The following ALDH2 variants were observed in gnomAD, a reference collection of about 807,000 sequenced individuals.
ALDH2 encodes aldehyde dehydrogenase 2 family member, also known as aldehyde dehydrogenase, mitochondrial.
Under a neutral mutation model 59.6 loss-of-function variants are expected in ALDH2, and 44 were observed. That is an observed-to-expected ratio of 0.74 (90% CI 0.58 to 0.95). The LOEUF is 0.95. Ranked by LOEUF, ALDH2 falls within the 40% of genes least tolerant of loss-of-function variation. The pLI is 0.00. For synonymous variants in ALDH2, 291 were observed against 284.0 expected, an observed-to-expected ratio of 1.02 and a Z score of -0.25; for missense variants, 570 against 696.3, an observed-to-expected ratio of 0.82 and a Z score of 2.04.
intron 9 of ALDH2, among the ~76,000 whole-genome samples, chr12:111,794,879 C>T (rs575984412): frequency 3.9e-5 from 6 of 152,128 alleles, no homozygotes; most frequent in Middle Eastern, 6.8e-3. Context: ...TTTTAGTGTA[C>T]GATTCAGTGA....
intron 10 of ALDH2, among the ~76,000 whole-genome samples, chr12:111,798,746 C>G (rs1196838993): frequency 6.6e-6 from 1 of 152,014 alleles, no homozygotes; most frequent in Non-Finnish European, 1.5e-5. Flanking sequence ...GTTGCTCACG[C>G]CTGTAATCCC....
At chr12:111,773,522 C>CAGG (rs1485429802) in intron 1 of ALDH2, among the ~76,000 whole-genome samples, 3 of 152,202 alleles carry the variant, frequency 2.0e-5, no homozygotes, top group African/African-American at 7.2e-5. Context: ...ATCCTACCCG[C>CAGG]AACTCTATAA....
rs181565285 is a variant in ALDH2, at chr12:111,796,645, G to A, written c.1084-1433G>A. ...AGGCTGGGTGTGGTGGCTAACCCCT[G>A]TAGTCCTAACACTTGGGAGGGAGGC... On this transcript the variant is annotated intron_variant, in intron 9 of 12. Transcript: ENST00000261733. Among the ~76,000 whole-genome samples, 64 of 152,226 alleles carry A rather than the reference G, an allele frequency of 4.2e-4. No homozygotes were observed. The East Asian group carries it at 0.011, about 25-fold the overall frequency.
chr12:111,775,831 G>A, intron 1 of ALDH2: 1 of 345,764 alleles, frequency 2.9e-6, no homozygotes, highest in Non-Finnish European at 5.8e-6. Context: ...AACTTTGGCA[G>A]AAACTCAGTG....
chr12:111,803,729 T>A (rs1483710610), intron 11 of ALDH2, 130 bp from the exon 12 acceptor site: 3 of 435,812 alleles, frequency 6.9e-6, no homozygotes, highest in Non-Finnish European at 7.7e-6. Context: ...AGAGAAAGAT[T>A]CTATCTCAAA....
chr12:111,790,436 G>A lies in ALDH2; in HGVS notation c.555G>A (p.Trp185Ter). The change falls in exon 6 of 13, where the codon TGG becomes TGA. Residue 185 changes from tryptophan to a stop codon, truncating the protein, a stop_gained and splice_region_variant. Transcript: ENST00000261733. LOFTEE classifies it high-confidence loss of function. ...AGGGCTGCTGTTGTTTGTTGCAGTG[G>A]AATTTCCCGCTCCTGATGCAAGCAT... ...PVGVCGQIIP[W>*]NFPLLMQAWK... 1.9e-6 allele frequency: 3 copies of A among 1,614,092 alleles called. No homozygotes were observed. Among genetic ancestry groups the A allele is most frequent in the East Asian group, 2.2e-5 (1 of 44,870 alleles).
chr12:111,791,370 T>C lies in ALDH2; in HGVS notation c.746T>C (p.Ile249Thr). The C allele has an allele frequency of 6.2e-7, 1 of 1,614,136 alleles. No homozygotes were observed. Among genetic ancestry groups the C allele is most frequent in the Non-Finnish European group, 8.5e-7 (1 of 1,179,986 alleles). Residue 249 changes from isoleucine (I) to threonine (T), a missense_variant, in exon 7 of 13, where the codon ATT becomes ACT. By Grantham distance (89) the Ile-to-Thr change is moderately conservative. Coordinates refer to ENST00000261733, the MANE Select transcript of ALDH2 (RefSeq NM_000690.4). ...PGFGPTAGAA[I>T]ASHEDVDKVA... ...TTTGGCCCCACGGCTGGGGCCGCCA[T>C]TGCCTCCCATGAGGATGTGGACAAA...
intron 1 of ALDH2, among the ~76,000 whole-genome samples, chr12:111,776,496 C>G (rs78617366): frequency 0.016 from 2,370 of 152,068 alleles, 71 homozygotes; most frequent in African/African-American, 0.054. Flanking sequence ...CATGGTGGCG[C>G]ACAGCTGTAA....
At chr12:111,795,563 G>A (rs1370937155) in intron 9 of ALDH2, among the ~76,000 whole-genome samples, 1 of 149,406 alleles carries the variant, frequency 6.7e-6, no homozygotes, top group Non-Finnish European at 1.5e-5. Flanking sequence ...GATTACAGGT[G>A]TGAGCCACCG....
chr12:111,771,091 G>T (rs2068196046), intron 1 of ALDH2, among the ~76,000 whole-genome samples: 1 of 152,036 alleles, frequency 6.6e-6, no homozygotes, highest in African/African-American at 2.4e-5. Flanking sequence ...GAACTGACAG[G>T]CAATTAAGGA....
intron 3 of ALDH2, 109 bp from the exon 4 acceptor site, chr12:111,785,158 C>T: frequency 1.2e-6 from 1 of 854,686 alleles, no homozygotes; most frequent in Non-Finnish European, 2.0e-6. Context: ...GACTCTCACC[C>T]TGGGCTTGCA....
chr12:111,791,538 C>A, intron 7 of ALDH2, 119 bp downstream of exon 7: 1 of 769,150 alleles, frequency 1.3e-6, no homozygotes, highest in Non-Finnish European at 2.2e-6. Context: ...TCCTCCAGGA[C>A]GACCCTGTAG....
chr12:111,780,935 C>G (rs1349612050), intron 1 of ALDH2, among the ~76,000 whole-genome samples: 1 of 151,952 alleles, frequency 6.6e-6, no homozygotes, highest in Non-Finnish European at 1.5e-5. Context: ...ATAGAGGGAC[C>G]TCATCTCTAC....
At chr12:111,789,220 C>T (rs2068336501) in intron 4 of ALDH2, among the ~76,000 whole-genome samples, 1 of 150,758 alleles carries the variant, frequency 6.6e-6, no homozygotes, top group Non-Finnish European at 1.5e-5. Context: ...GGTTTCACCA[C>T]CTTGGCCAGG....
chr12:111,783,318 C>G lies in ALDH2; in HGVS notation c.360+20C>G. Reference sequence around the variant, plus strand: ...CTGGCGGTGAGTCCTCAGCCCTTCTCCCCCTCAGATCCCATGTGGTGAATA... The same window carrying G: ...CTGGCGGTGAGTCCTCAGCCCTTCTGCCCCTCAGATCCCATGTGGTGAATA... On this transcript the variant is annotated intron_variant, in intron 3 of 12. Coordinates refer to ENST00000261733, the MANE Select transcript of ALDH2 (RefSeq NM_000690.4). 6.3e-7 allele frequency: 1 copy of G among 1,588,196 alleles called. No individual in the cohort carries two copies. The highest frequency in any genetic ancestry group is 8.6e-7 in the Non-Finnish European group (1 of 1,162,892).
chr12:111,771,173 A>T (rs955652463), intron 1 of ALDH2, among the ~76,000 whole-genome samples: 5 of 152,010 alleles, frequency 3.3e-5, no homozygotes, highest in African/African-American at 1.2e-4. Flanking sequence ...AGGTGGGAAG[A>T]TTGCTTAACC....
At chr12:111,799,500 G>A (rs2068431612) in intron 10 of ALDH2, among the ~76,000 whole-genome samples, 1 of 149,792 alleles carries the variant, frequency 6.7e-6, no homozygotes, top group African/African-American at 2.5e-5. Flanking sequence ...GTAAAGACAG[G>A]GTCTCTCTGT....
chr12:111,783,361 G>A, intron 3 of ALDH2, 63 bp downstream of exon 3: 1 of 1,525,598 alleles, frequency 6.6e-7, no homozygotes, highest in Non-Finnish European at 8.8e-7. Context: ...AGCATCCTGT[G>A]AACAGCCAGG....
intron 11 of ALDH2, among the ~76,000 whole-genome samples, chr12:111,802,891 A>G (rs980299739): frequency 2.0e-5 from 3 of 146,954 alleles, no homozygotes; most frequent in African/African-American, 5.0e-5. Flanking sequence ...AAAAAAAAAA[A>G]AAAAAGAAAA....
Sources: gnomAD v4.1 joint callset for allele counts (sites outside exome capture counted in the v4.1 genomes callset) on GRCh38, gnomAD v4.1.1 for gene constraint, MANE v1.5 for transcripts, NCBI Gene and HGNC (gene_info 2026-07-23, HGNC 2026-07-21) for gene names.